SLC12A8: variants seen among roughly 807,000 people sequenced by gnomAD.
SLC12A8 encodes the protein solute carrier family 12 member 8, also known as cation-chloride cotransporter 9.
A neutral mutation model predicts 75.6 loss-of-function variants in SLC12A8; 69 were observed. The observed-to-expected ratio is 0.91, with a 90% confidence interval of 0.75 to 1.11. The LOEUF (loss-of-function observed/expected upper bound fraction) is 1.11, where lower values mean the gene tolerates loss of function less well. SLC12A8 is among the 50% of genes most tolerant of loss of function. The pLI is 0.00. For synonymous variants in SLC12A8, 365 were observed against 372.8 expected, an observed-to-expected ratio of 0.98 and a Z score of 0.24; for missense variants, 877 against 896.7, an observed-to-expected ratio of 0.98 and a Z score of 0.28.
chr3:125,092,329 C>G, intron 10 of SLC12A8, 131 bp from the exon 11 acceptor site: 1 of 568,226 alleles, frequency 1.8e-6, no homozygotes, highest in Non-Finnish European at 3.2e-6. Context: ...AGGGCTTGCT[C>G]TTGCAGAAGG....
chr3:125,212,225 A>AG (rs1425592740), intron 1 of SLC12A8, among the ~76,000 whole-genome samples: 1 of 151,050 alleles, frequency 6.6e-6, no homozygotes, highest in Non-Finnish European at 1.5e-5. Flanking sequence ...TTGGGAGAGG[A>AG]GGGTTAGCCC....
rs774448204 is a variant in SLC12A8, at chr3:125,105,944, C to A, written c.1705+1537G>T. ...ACTTGGGAGGCTGAGGCAGGAGAACCGCTTGAACCCGGGAGGTGGAGGTTG... is the reference window on the plus strand; with the variant it reads ...ACTTGGGAGGCTGAGGCAGGAGAACAGCTTGAACCCGGGAGGTGGAGGTTG... On this transcript the variant is annotated intron_variant, in intron 10 of 13. Coordinates refer to ENST00000469902, the MANE Select transcript of SLC12A8 (RefSeq NM_024628.6). Among the ~76,000 whole-genome samples the A allele has an allele frequency of 2.0e-5, 3 of 152,242 alleles. No homozygotes were observed. The East Asian group carries it at 5.8e-4, about 29-fold the overall frequency.
chr3:125,087,891 A>G (rs1938499347), intron 13 of SLC12A8, among the ~76,000 whole-genome samples: 1 of 152,172 alleles, frequency 6.6e-6, no homozygotes, highest in Non-Finnish European at 1.5e-5. Flanking sequence ...CAACCCAGTC[A>G]TGTCAACTAC....
chr3:125,125,592 T>G (rs560676091), intron 6 of SLC12A8, among the ~76,000 whole-genome samples: 32 of 152,278 alleles, frequency 2.1e-4, no homozygotes, highest in Admixed American at 3.9e-4. Context: ...AAACAGTTAT[T>G]TAGAATCATG....
At chr3:125,119,119 A>G (rs1250411385) in intron 7 of SLC12A8, 2 of 292,824 alleles carry the variant, frequency 6.8e-6, no homozygotes, top group African/African-American at 4.4e-5. Flanking sequence ...CACTTCACGA[A>G]TTTGCATGTC....
intron 3 of SLC12A8, among the ~76,000 whole-genome samples, chr3:125,188,553 T>G (rs548048518): frequency 6.6e-6 from 1 of 152,292 alleles, no homozygotes; most frequent in South Asian, 2.1e-4. Flanking sequence ...ACAGACACAT[T>G]TCAGTGTGAA....
chr3:125,166,505 C>T (rs1457230426), intron 5 of SLC12A8, among the ~76,000 whole-genome samples: 3 of 152,180 alleles, frequency 2.0e-5, no homozygotes. Context: ...AAATAAAGCC[C>T]AAGCCCCGCT....
At chr3:125,095,067 C>G (rs1255692349) in intron 10 of SLC12A8, among the ~76,000 whole-genome samples, 1 of 152,200 alleles carries the variant, frequency 6.6e-6, no homozygotes, top group Admixed American at 6.5e-5. Context: ...GTCTTCAGCA[C>G]TCCTTTTTTC....
At chr3:125,123,371 G>GA (rs34868769) in intron 6 of SLC12A8, among the ~76,000 whole-genome samples, 87 of 103,906 alleles carry the variant, frequency 8.4e-4, no homozygotes, top group African/African-American at 1.4e-3. Context: ...TCCATCTCAG[G>GA]AAAAAAAAAA....
At chr3:125,194,455 G>T (rs1208067852) in intron 2 of SLC12A8, among the ~76,000 whole-genome samples, 1 of 152,044 alleles carries the variant, frequency 6.6e-6, no homozygotes, top group East Asian at 1.9e-4. Flanking sequence ...TGGGGGTAGG[G>T]GGTTGTCTAG....
chr3:125,099,763 T>C lies in SLC12A8; in HGVS notation c.1706-7565A>G, dbSNP rs984211847. On this transcript the variant is annotated intron_variant, in intron 10 of 13. Coordinates refer to ENST00000469902, the MANE Select transcript of SLC12A8 (RefSeq NM_024628.6). ...GGCCAACATGGTGAAACCCCATCTC[T>C]ACTAAAAATAAAAAATTAGCTGAGC... is the stretch of plus-strand genomic sequence containing the variant. Among the ~76,000 whole-genome samples the C allele has an allele frequency of 2.0e-5, 3 of 152,188 alleles. No homozygotes were observed. In the South Asian group the frequency reaches 6.2e-4, roughly 32 times the overall value.
intron 2 of SLC12A8, among the ~76,000 whole-genome samples, chr3:125,210,636 C>T (rs994123901): frequency 1.3e-5 from 2 of 152,168 alleles, no homozygotes; most frequent in Non-Finnish European, 2.9e-5. Flanking sequence ...GGAAACCCTC[C>T]TGCCACTCTC....
chr3:125,123,180 G>A (rs1399561704), intron 6 of SLC12A8, among the ~76,000 whole-genome samples: 2 of 151,980 alleles, frequency 1.3e-5, no homozygotes, highest in East Asian at 1.9e-4. Context: ...TTCGAGACCA[G>A]CCTGACTAAC....
At chr3:125,140,511 T>C (rs1933604478) in intron 5 of SLC12A8, among the ~76,000 whole-genome samples, 1 of 151,912 alleles carries the variant, frequency 6.6e-6, no homozygotes, top group Non-Finnish European at 1.5e-5. Flanking sequence ...CCCGGCCCCA[T>C]TTGTGTAGGG....
intron 10 of SLC12A8, among the ~76,000 whole-genome samples, chr3:125,095,952 A>G (rs557145669): frequency 3.3e-5 from 5 of 152,340 alleles, no homozygotes; most frequent in South Asian, 4.1e-4. Context: ...CTCTGGTCAC[A>G]TTGTAGCTGT....
At chr3:125,184,147 A>AT (rs761313207) in intron 4 of SLC12A8, among the ~76,000 whole-genome samples, 20 of 151,650 alleles carry the variant, frequency 1.3e-4, no homozygotes, top group Non-Finnish European at 1.9e-4. Flanking sequence ...TAATTTTTGT[A>AT]TTTAGTAGAG....
chr3:125,107,785 C>G lies in SLC12A8; in HGVS notation c.1401G>C (p.Gln467His). 6.2e-7 allele frequency: 1 copy of G among 1,614,162 alleles called. No individual in the cohort carries two copies. Among genetic ancestry groups the G allele is most frequent in the South Asian group, 1.1e-5 (1 of 91,078 alleles). Residue 467 changes from glutamine to histidine, a missense_variant, in exon 10 of 14, where the codon CAG (glutamine) becomes CAC (histidine). Transcript: ENST00000469902. The stretch of plus-strand genomic sequence containing the variant: ...GGCTACTCTCAAGCTTCCTGGTTAG[C>G]TGGAGGAGCTGATCCATGTCCTTGG... ...EFTKDMDQLL[Q>H]LTRKLESSQP...
chr3:125,142,202 G>A (rs1381576102), intron 5 of SLC12A8, among the ~76,000 whole-genome samples: 2 of 152,172 alleles, frequency 1.3e-5, no homozygotes, highest in African/African-American at 4.8e-5. Context: ...GAGTGTCCAC[G>A]GGCCCCATCC....
At chr3:125,160,616 G>T (rs1934145882) in intron 5 of SLC12A8, among the ~76,000 whole-genome samples, 1 of 152,226 alleles carries the variant, frequency 6.6e-6, no homozygotes, top group South Asian at 2.1e-4. Flanking sequence ...GAGTTTAGAT[G>T]AAGCGGGTGA....
Sources: allele counts gnomAD v4.1 joint callset (sites outside exome capture counted in the v4.1 genomes callset), GRCh38; gene constraint gnomAD v4.1.1; transcripts MANE v1.5; gene names NCBI Gene and HGNC (gene_info 2026-07-23, HGNC 2026-07-21).